The following XRCC5 variants were observed in gnomAD, a reference collection of about 807,000 sequenced individuals.
The protein encoded by XRCC5 is DNA repair protein Ku80.
XRCC5 carries 12 observed loss-of-function variants against 95.7 expected under a neutral mutation model. The ratio of observed to expected loss-of-function variants is 0.13; its 90% CI spans 0.08 to 0.20. XRCC5 has a LOEUF of 0.20. XRCC5 is among the 10% of genes least tolerant of loss of function. XRCC5 has a pLI of 1.00. For missense variants in XRCC5, 595 were observed against 873.9 expected, an observed-to-expected ratio of 0.68 and a Z score of 4.02; for synonymous variants, 281 against 290.3, an observed-to-expected ratio of 0.97 and a Z score of 0.33.
At chr2:216,201,835 A>G (rs1047801918) in intron 19 of XRCC5, among the ~76,000 whole-genome samples, 15 of 152,198 alleles carry the variant, frequency 9.9e-5, no homozygotes, top group African/African-American at 3.6e-4. Context: ...TGCAGTTACA[A>G]ACATTAATGA....
intron 13 of XRCC5, among the ~76,000 whole-genome samples, chr2:216,147,270 C>T (rs1239859086): frequency 6.6e-6 from 1 of 152,068 alleles, no homozygotes; most frequent in Non-Finnish European, 1.5e-5. Flanking sequence ...TTAGGATGAG[C>T]TTGGTGTATG....
intron 10 of XRCC5, among the ~76,000 whole-genome samples, chr2:216,136,229 A>G (rs1021302452): frequency 6.6e-6 from 1 of 151,672 alleles, no homozygotes; most frequent in Non-Finnish European, 1.5e-5. Flanking sequence ...GGTGGCACAT[A>G]CTTGTAATCC....
At chr2:216,151,962 A>G (rs1225764991) in intron 14 of XRCC5, among the ~76,000 whole-genome samples, 1 of 152,220 alleles carries the variant, frequency 6.6e-6, no homozygotes, top group Non-Finnish European at 1.5e-5. Context: ...GCAAAGGTGC[A>G]TCTTATGTGG....
chr2:216,156,983 T>G (rs1438418509), intron 14 of XRCC5, among the ~76,000 whole-genome samples: 1 of 151,732 alleles, frequency 6.6e-6, no homozygotes, highest in African/African-American at 2.4e-5. Context: ...AGAGAAGGGG[T>G]CGTGAAGGAT....
rs1689936045 is a variant in XRCC5, at chr2:216,205,971, T to TTCAC, written c.*771_*774dup. On this transcript the variant is annotated 3_prime_UTR_variant, in exon 21 of 21. Transcript: ENST00000392132. ...ACTACAGTAGTTAGAATTATATCAC[T>TTCAC]TCACTGTTCTCTACTTGCAAGCCTC... is the stretch of plus-strand genomic sequence containing the variant. The TTCAC allele has an allele frequency of 6.6e-6, 1 of 152,242 alleles. No homozygotes were observed. Among genetic ancestry groups the TTCAC allele is most frequent in the Non-Finnish European group, 1.5e-5 (1 of 68,042 alleles). The allele number at this position is 152,242 out of a possible 1,614,324, so 9.4% of individuals were successfully genotyped here.
intron 13 of XRCC5, among the ~76,000 whole-genome samples, chr2:216,146,163 C>A (rs994619403): frequency 3.3e-5 from 5 of 152,222 alleles, no homozygotes; most frequent in Middle Eastern, 3.4e-3. Flanking sequence ...GCATCAAACT[C>A]AGACAAACAA....
intron 10 of XRCC5, among the ~76,000 whole-genome samples, chr2:216,132,945 A>G (rs1191638197): frequency 6.6e-6 from 1 of 152,208 alleles, no homozygotes; most frequent in African/African-American, 2.4e-5. Context: ...TTTTAACTGG[A>G]AGATTGCAAT....
Position 216,141,250 on chromosome 2 carries a change from G to A in XRCC5, c.1407G>A (p.Lys469=). Reference sequence around the variant, plus strand: ...TGAGCTTGGCAAAGAAAGATGAGAAGACAGACACCCTTGAAGACTTGTTTC... The same window carrying A: ...TGAGCTTGGCAAAGAAAGATGAGAAAACAGACACCCTTGAAGACTTGTTTC... ...DSMSLAKKDE[K]TDTLEDLFPT... Residue 469 remains lysine, a synonymous_variant, in exon 13 of 21, where the codon AAG becomes AAA. Transcript: ENST00000392132. 1 of 1,614,086 alleles carries A rather than the reference G, an allele frequency of 6.2e-7. No homozygotes were observed.
At chr2:216,181,701 C>T (rs1447463409) in intron 16 of XRCC5, among the ~76,000 whole-genome samples, 2 of 152,184 alleles carry the variant, frequency 1.3e-5, no homozygotes, top group African/African-American at 4.8e-5. Context: ...AAATGACCTC[C>T]ATCTGGCTTT....
chr2:216,187,944 C>T (rs978388109), intron 16 of XRCC5, among the ~76,000 whole-genome samples: 2 of 150,954 alleles, frequency 1.3e-5, no homozygotes, highest in Admixed American at 1.3e-4. Flanking sequence ...CACTATCCAA[C>T]CGCTAAAATT....
intron 14 of XRCC5, chr2:216,156,602 C>A: frequency 1.7e-6 from 1 of 574,810 alleles, no homozygotes. Flanking sequence ...CAGTAGAAGA[C>A]CTGGACTTAA....
At chr2:216,198,989 A>G (rs891721045) in intron 19 of XRCC5, among the ~76,000 whole-genome samples, 5 of 152,348 alleles carry the variant, frequency 3.3e-5, no homozygotes, top group East Asian at 1.9e-4. Context: ...TTTGGTTTTA[A>G]TAGAAGAGAC....
chr2:216,144,604 T>C (rs1688588536), intron 13 of XRCC5, among the ~76,000 whole-genome samples: 1 of 152,234 alleles, frequency 6.6e-6, no homozygotes, highest in African/African-American at 2.4e-5. Flanking sequence ...CCATTCAATA[T>C]GATAAGGAAT....
intron 19 of XRCC5, among the ~76,000 whole-genome samples, chr2:216,202,193 C>A (rs1689844233): frequency 6.6e-6 from 1 of 152,138 alleles, no homozygotes; most frequent in South Asian, 2.1e-4. Context: ...TTGGAAGATA[C>A]CAGTCATTTG....
At chr2:216,145,970 A>G (rs1688622560) in intron 13 of XRCC5, among the ~76,000 whole-genome samples, 1 of 152,212 alleles carries the variant, frequency 6.6e-6, no homozygotes, top group Non-Finnish European at 1.5e-5. Context: ...TTAATGAACC[A>G]AGGGAGAGCA....
At chr2:216,153,682 C>T (rs184743955) in intron 14 of XRCC5, among the ~76,000 whole-genome samples, 2 of 152,266 alleles carry the variant, frequency 1.3e-5, no homozygotes. Flanking sequence ...GAAACTTGCC[C>T]AAGATTGTAG....
chr2:216,187,311 T>TTTA (rs1217256048), intron 16 of XRCC5, among the ~76,000 whole-genome samples: 5 of 152,062 alleles, frequency 3.3e-5, no homozygotes, highest in African/African-American at 1.2e-4. Flanking sequence ...TTTTTTTTTT[T>TTTA]ACAAAGAAAC....
intron 17 of XRCC5, among the ~76,000 whole-genome samples, 155 bp downstream of exon 17, chr2:216,190,489 A>G (rs1474128886): frequency 6.6e-6 from 1 of 152,180 alleles, no homozygotes; most frequent in African/African-American, 2.4e-5. Context: ...AATGACTTAA[A>G]TTCATGTTAC....
intron 16 of XRCC5, among the ~76,000 whole-genome samples, chr2:216,188,541 T>A (rs9288516): frequency 0.057 from 8,719 of 152,290 alleles, 1,088 homozygotes; most frequent in East Asian, 0.49. Context: ...AATGGAGAAT[T>A]TAGAGTCTCT....
Sources: gnomAD v4.1 joint callset for allele counts (sites outside exome capture counted in the v4.1 genomes callset) on GRCh38, gnomAD v4.1.1 for gene constraint, MANE v1.5 for transcripts, NCBI Gene and HGNC (gene_info 2026-07-23, HGNC 2026-07-21) for gene names.